MMP26: variants seen among roughly 807,000 people sequenced by gnomAD.
MMP26 encodes the protein matrix metalloproteinase-26.
In MMP26, 33 loss-of-function variants were observed where a neutral mutation model predicts 31.0. The ratio of observed to expected loss-of-function variants is 1.06; its 90% CI spans 0.81 to 1.42. The LOEUF (loss-of-function observed/expected upper bound fraction) is 1.42, where lower values mean the gene tolerates loss of function less well. Among genes scored for constraint, MMP26 ranks in the 40% most tolerant of loss-of-function variants. MMP26 has a pLI of 0.00. For synonymous variants in MMP26, 122 were observed against 114.9 expected, an observed-to-expected ratio of 1.06 and a Z score of -0.40; for missense variants, 347 against 316.1, an observed-to-expected ratio of 1.10 and a Z score of -0.74.
chr11:4,987,372 A>G (rs1475973218), intron 2 of MMP26, among the ~76,000 whole-genome samples: 3 of 151,376 alleles, frequency 2.0e-5, no homozygotes, highest in Non-Finnish European at 4.4e-5. Context: ...TCTTTTACAT[A>G]GGTCTTGGAG....
intron 2 of MMP26, among the ~76,000 whole-genome samples, chr11:4,961,878 GA>G (rs1258885636): frequency 4.6e-5 from 7 of 152,090 alleles, no homozygotes; most frequent in Admixed American, 2.0e-4. Context: ...AGTAATCAAT[GA>G]AAAACAGTTT....
chr11:4,848,522 G>T (rs756698701), intron 2 of MMP26: 10 of 1,613,254 alleles, frequency 6.2e-6, no homozygotes, highest in African/African-American at 4.0e-5. Context: ...GCAACACCTT[G>T]CCAATCAGGC....
chr11:4,706,938 T>G (rs1403181385), intron 1 of MMP26, among the ~76,000 whole-genome samples: 2 of 152,238 alleles, frequency 1.3e-5, no homozygotes, highest in African/African-American at 4.8e-5. Context: ...AATAGTATTC[T>G]ATTACATGTA....
At chr11:4,836,626 A>T (rs1849722650) in intron 2 of MMP26, among the ~76,000 whole-genome samples, 1 of 145,524 alleles carries the variant, frequency 6.9e-6, no homozygotes, top group African/African-American at 2.5e-5. Context: ...GAGATAGTGC[A>T]TTGAATGCTT....
chr11:4,990,011 G>A, intron 4 of MMP26, 143 bp downstream of exon 4: 1 of 639,944 alleles, frequency 1.6e-6, no homozygotes, highest in South Asian at 1.9e-5. Flanking sequence ...CTCAGAGAAG[G>A]TAATACTACC....
At chr11:4,709,450 A>G in intron 1 of MMP26, 1 of 346,018 alleles carries the variant, frequency 2.9e-6, no homozygotes, top group South Asian at 2.3e-5. Flanking sequence ...GAAGAATAGG[A>G]TGTGGTTCTC....
chr11:4,991,494 C>G lies in MMP26; in HGVS notation c.593C>G (p.Thr198Ser). ...DKNEHWSASDTGYNLFLVATH... is the reference protein window; with the variant it reads ...DKNEHWSASDSGYNLFLVATH... ...AATGAACACTGGTCAGCTTCAGACACTGGTAAATGCCTTGTTTGGTGGGAT... is the reference window on the plus strand; with the variant it reads ...AATGAACACTGGTCAGCTTCAGACAGTGGTAAATGCCTTGTTTGGTGGGAT... The change falls in exon 6 of 8, where the codon ACT (threonine) becomes AGT (serine). Residue 198 changes from threonine to serine, a missense_variant and splice_region_variant. By Grantham distance (58) the Thr-to-Ser change is moderately conservative. Transcript: ENST00000380390. The G allele has an allele frequency of 6.2e-7, 1 of 1,613,244 alleles. No homozygotes were observed. The highest frequency in any genetic ancestry group is 8.5e-7 in the Non-Finnish European group (1 of 1,179,442).
Position 4,926,522 on chromosome 11 carries a change from G to A in MMP26, c.-144-61546G>A, listed in dbSNP as rs115588345. Among the ~76,000 whole-genome samples, 572 of 152,222 alleles carry A rather than the reference G, an allele frequency of 3.8e-3. 2 individuals carry two copies. The highest frequency in any genetic ancestry group is 0.013 in the African/African-American group (529 of 41,546). On this transcript the variant is annotated intron_variant, in intron 2 of 7. Coordinates refer to ENST00000380390, the MANE Select transcript of MMP26 (RefSeq NM_021801.5). ...ATATGTATGACTTTTCAGCCAGCAG[G>A]CATAGTGAAGCTGGTTTGATTCTAT...
chr11:4,969,487 C>T (rs1846637424), intron 2 of MMP26, among the ~76,000 whole-genome samples: 1 of 151,984 alleles, frequency 6.6e-6, no homozygotes, highest in Admixed American at 6.6e-5. Context: ...TAGCCATTAT[C>T]TCATATCTCA....
At chr11:4,773,470 C>T (rs1448589860) in intron 2 of MMP26, among the ~76,000 whole-genome samples, 1 of 152,114 alleles carries the variant, frequency 6.6e-6, no homozygotes, top group African/African-American at 2.4e-5. Context: ...AGCAACACTT[C>T]ATAAGCTTGG....
chr11:4,822,264 C>G lies in MMP26; in HGVS notation c.-145+54923C>G, dbSNP rs1288109062. 1.1e-5 allele frequency: 17 copies of G among 1,565,986 alleles called. No homozygotes were observed. In the East Asian group the frequency reaches 3.8e-4, roughly 35 times the overall value. On this transcript the variant is annotated intron_variant, in intron 2 of 7. Coordinates refer to ENST00000380390, the MANE Select transcript of MMP26 (RefSeq NM_021801.5). ...TTGTCCACATCATCATGGCCAATGT[C>G]TTTCTGCTAATCCCTCCTGTGCTCA...
rs183071831 is a variant in MMP26, at chr11:4,815,610, C to T, written c.-145+48269C>T. The stretch of plus-strand genomic sequence containing the variant: ...AAGAAATTTTAGACAGGGAACACAG[C>T]AAATTTATCATTTATGTACTTTTTT... On this transcript the variant is annotated intron_variant, in intron 2 of 7. Coordinates refer to ENST00000380390, the MANE Select transcript of MMP26 (RefSeq NM_021801.5). Among the ~76,000 whole-genome samples the T allele has an allele frequency of 8.7e-4, 132 of 151,780 alleles. 1 individual carries two copies. Among genetic ancestry groups the T allele is most frequent in the African/African-American group, 3.1e-3 (127 of 41,410 alleles).
intron 2 of MMP26, chr11:4,913,515 C>G (rs1851024281): frequency 6.6e-6 from 1 of 152,182 alleles, no homozygotes; most frequent in Non-Finnish European, 1.5e-5. Flanking sequence ...ACTGCAAATA[C>G]TATATTGACA....
At chr11:4,781,414 G>A (rs1191233828) in intron 2 of MMP26, among the ~76,000 whole-genome samples, 2 of 93,374 alleles carry the variant, frequency 2.1e-5, no homozygotes, top group Non-Finnish European at 4.2e-5. Flanking sequence ...GGGCGCGGTG[G>A]CGGGCGCCTG....
Position 4,870,734 on chromosome 11 carries a change from G to A in MMP26, c.-145+103393G>A, listed in dbSNP as rs1334814228. 2.0e-5 allele frequency among the ~76,000 whole-genome samples: 3 copies of A among 151,884 alleles called. No individual in the cohort carries two copies. The East Asian group carries it at 5.8e-4, about 29-fold the overall frequency. On this transcript the variant is annotated intron_variant, in intron 2 of 7. Coordinates refer to ENST00000380390, the MANE Select transcript of MMP26 (RefSeq NM_021801.5). ...AACCTTAAGCAGATGAAAAGAAAAC[G>A]TTTTATTTTTGTTTTCATTTTACAG... is the stretch of plus-strand genomic sequence containing the variant.
At position 4,842,552 on chromosome 11, in the gene MMP26, A is replaced by G. The variant is rs143655529; in HGVS notation, c.-145+75211A>G. On this transcript the variant is annotated intron_variant, in intron 2 of 7. Coordinates refer to ENST00000380390, the MANE Select transcript of MMP26 (RefSeq NM_021801.5). ...ACACACTTTTAAATCATCAGATAACATGAGAAGTTACTCACTATCATGAGA... is the reference window on the plus strand; with the variant it reads ...ACACACTTTTAAATCATCAGATAACGTGAGAAGTTACTCACTATCATGAGA... Among the ~76,000 whole-genome samples the G allele has an allele frequency of 2.3e-4, 35 of 152,316 alleles. 1 individual carries two copies. Among genetic ancestry groups the G allele is most frequent in the African/African-American group, 8.4e-4 (35 of 41,564 alleles).
In MMP26 at chr11:4,836,269, A is replaced by G. The variant is rs903999718; in HGVS notation, c.-145+68928A>G. Reference sequence around the variant, plus strand: ...TAAAAAGATCTGCAAAGCAAAATGCATACACCTACACAACCTACTGACCAG... The same window carrying G: ...TAAAAAGATCTGCAAAGCAAAATGCGTACACCTACACAACCTACTGACCAG... On this transcript the variant is annotated intron_variant, in intron 2 of 7. Transcript: ENST00000380390. 2.0e-5 allele frequency among the ~76,000 whole-genome samples: 3 copies of G among 152,064 alleles called. No homozygotes were observed. In the East Asian group the frequency reaches 5.8e-4, roughly 29 times the overall value.
At chr11:4,822,058 T>C in intron 2 of MMP26, 2 of 1,613,936 alleles carry the variant, frequency 1.2e-6, no homozygotes, top group Non-Finnish European at 1.7e-6. Flanking sequence ...AGGGTTTGAC[T>C]GCCCTTGCAT....
intron 2 of MMP26, among the ~76,000 whole-genome samples, chr11:4,919,524 T>G (rs1851150598): frequency 6.6e-6 from 1 of 152,046 alleles, no homozygotes; most frequent in African/African-American, 2.4e-5. Flanking sequence ...AGGAGACTGG[T>G]CTTGTGAGAT....
Sources: gnomAD v4.1 joint callset for allele counts (sites outside exome capture counted in the v4.1 genomes callset) on GRCh38, gnomAD v4.1.1 for gene constraint, MANE v1.5 for transcripts, NCBI Gene and HGNC (gene_info 2026-07-23, HGNC 2026-07-21) for gene names.